The following TMC5 variants were observed in gnomAD, a reference collection of about 807,000 sequenced individuals.
TMC5 encodes transmembrane channel like 5, also known as transmembrane channel-like protein 5.
TMC5 carries 86 observed loss-of-function variants against 110.5 expected under a neutral mutation model. The observed-to-expected ratio is 0.78, with a 90% CI of 0.65 to 0.93. The LOEUF (loss-of-function observed/expected upper bound fraction) is 0.93. Ranked by LOEUF, TMC5 falls within the 40% of genes least tolerant of loss-of-function variation. The pLI is 0.00. For synonymous variants in TMC5, 455 were observed against 439.5 expected (o/e 1.04, Z -0.44); for missense variants, 1,144 against 1,222.8 (o/e 0.94, Z 0.96).
intron 17 of TMC5, among the ~76,000 whole-genome samples, chr16:19,488,133 T>G (rs1336680609): frequency 6.6e-6 from 1 of 151,988 alleles, no homozygotes; most frequent in African/African-American, 2.4e-5. Context: ...GATTGGTTGG[T>G]TTGCATTTGA....
chr16:19,438,181 C>G (rs1200685239), intron 2 of TMC5, among the ~76,000 whole-genome samples: 1 of 151,264 alleles, frequency 6.6e-6, no homozygotes, highest in Non-Finnish European at 1.5e-5. Context: ...CACTTGAGCT[C>G]AGGAGTTCAA....
chr16:19,456,360 G>T, intron 5 of TMC5: 1 of 709,444 alleles, frequency 1.4e-6, no homozygotes, highest in Non-Finnish European at 1.8e-6. Flanking sequence ...TTGACTATGA[G>T]TCATTTAGAA....
At chr16:19,422,162 T>C (rs2301210) in intron 1 of TMC5, among the ~76,000 whole-genome samples, 115,883 of 151,274 alleles carry the variant, frequency 0.77, 44,915 homozygotes, top group South Asian at 0.9. Flanking sequence ...ACCTGGGAGG[T>C]GGAGGTTGCA....
At chr16:19,445,880 T>G (rs1967602550) in intron 4 of TMC5, among the ~76,000 whole-genome samples, 1 of 151,816 alleles carries the variant, frequency 6.6e-6, no homozygotes, top group South Asian at 2.1e-4. Flanking sequence ...CTGGGCGTGG[T>G]GGCACACACC....
Position 19,440,119 on chromosome 16 carries a change from G to C in TMC5, c.81G>C (p.Gln27His). The C allele has an allele frequency of 6.2e-7, 1 of 1,614,098 alleles. No individual in the cohort carries two copies. ...PDYSGSQNRTQGYLKTQGYPD... is the reference protein window; with the variant it reads ...PDYSGSQNRTHGYLKTQGYPD... The stretch of plus-strand genomic sequence containing the variant: ...ATTCAGGGTCTCAGAACCGTACGCA[G>C]GGGTATTTGAAAACTCAAGGTTATC... Residue 27 changes from glutamine to histidine, a missense_variant, in exon 3 of 22, where the codon CAG (glutamine) becomes CAC (histidine). Coordinates refer to ENST00000542583, the MANE Select transcript of TMC5 (RefSeq NM_001261841.2).
rs1968923079 is a variant in TMC5, at chr16:19,492,141, C to T, written c.2748-9C>T. 1 of 1,605,962 alleles carries T rather than the reference C, an allele frequency of 6.2e-7. No homozygotes were observed. Among genetic ancestry groups the T allele is most frequent in the Non-Finnish European group, 8.5e-7 (1 of 1,173,594 alleles). The stretch of plus-strand genomic sequence containing the variant: ...CAAGAGTGTCATTCTTTCTTTTCTC[C>T]TCTTCCAGAATCATCACCTATCTTT... On this transcript the variant is annotated splice_polypyrimidine_tract_variant and intron_variant, in intron 18 of 21. Coordinates refer to ENST00000542583, the MANE Select transcript of TMC5 (RefSeq NM_001261841.2).
intron 6 of TMC5, 21 bp downstream of exon 6, chr16:19,460,355 T>G: frequency 6.5e-7 from 1 of 1,540,700 alleles, no homozygotes; most frequent in East Asian, 2.2e-5. Context: ...AAGGCTTTTC[T>G]TCTTTCTCAG....
intron 8 of TMC5, among the ~76,000 whole-genome samples, chr16:19,465,001 GTCTT>G (rs71375641): frequency 0.017 from 1,235 of 73,572 alleles, 49 homozygotes; most frequent in African/African-American, 0.035. Context: ...CTTTCCTTTT[GTCTT>G]TCTTTCTTTC....
At chr16:19,486,620 A>ACC (rs35638661) in intron 15 of TMC5, among the ~76,000 whole-genome samples, 4 of 151,366 alleles carry the variant, frequency 2.6e-5, no homozygotes, top group East Asian at 1.9e-4. Flanking sequence ...CAGGTGATTC[A>ACC]CCCCCTCTTG....
chr16:19,446,448 AG>A (rs1445964532), intron 4 of TMC5, among the ~76,000 whole-genome samples: 1 of 152,388 alleles, frequency 6.6e-6, no homozygotes, highest in Admixed American at 6.5e-5. Flanking sequence ...GTGCTACTCC[AG>A]TGCAAGTGGA....
chr16:19,480,753 C>T (rs1026782747), intron 14 of TMC5, among the ~76,000 whole-genome samples: 8 of 144,894 alleles, frequency 5.5e-5, no homozygotes, highest in Admixed American at 3.6e-4. Flanking sequence ...TGCAGTGAGC[C>T]GAGAGGGCGA....
At chr16:19,444,290 A>G (rs1413750378) in intron 4 of TMC5, 40 bp downstream of exon 4, 3 of 1,590,512 alleles carry the variant, frequency 1.9e-6, no homozygotes, top group Admixed American at 3.4e-5. Flanking sequence ...CTGGGAAAAA[A>G]CTGAAATCAC....
intron 5 of TMC5, among the ~76,000 whole-genome samples, chr16:19,454,387 G>A (rs908182882): frequency 2.6e-5 from 4 of 152,248 alleles, no homozygotes; most frequent in Non-Finnish European, 1.5e-5. Context: ...TACAGGAAGG[G>A]GCCAGAGTGA....
At chr16:19,428,232 T>G (rs1967126143) in intron 1 of TMC5, among the ~76,000 whole-genome samples, 1 of 152,184 alleles carries the variant, frequency 6.6e-6, no homozygotes, top group African/African-American at 2.4e-5. Flanking sequence ...CAAATTTTAC[T>G]TGTGAAGATT....
intron 14 of TMC5, among the ~76,000 whole-genome samples, chr16:19,480,879 T>TA (rs1338550729): frequency 6.6e-6 from 1 of 151,992 alleles, no homozygotes; most frequent in Non-Finnish European, 1.5e-5. Context: ...AACTCATCTT[T>TA]ATGAATAAAT....
At chr16:19,445,279 A>T (rs1349382568) in intron 4 of TMC5, among the ~76,000 whole-genome samples, 1 of 151,042 alleles carries the variant, frequency 6.6e-6, no homozygotes, top group Non-Finnish European at 1.5e-5. Flanking sequence ...TTTTTTTAAG[A>T]CAGTGTCCTG....
chr16:19,460,161 C>A, intron 5 of TMC5, 74 bp from the exon 6 acceptor site: 1 of 1,186,274 alleles, frequency 8.4e-7, no homozygotes, highest in Non-Finnish European at 1.2e-6. Flanking sequence ...CGTGCTCTGA[C>A]TTCAGCACCA....
intron 4 of TMC5, among the ~76,000 whole-genome samples, chr16:19,445,602 A>G (rs1425174011): frequency 6.6e-6 from 1 of 152,010 alleles, no homozygotes; most frequent in African/African-American, 2.4e-5. Flanking sequence ...TTGATGGCAC[A>G]AGAGAAAAAA....
intron 12 of TMC5, among the ~76,000 whole-genome samples, 197 bp from the exon 13 acceptor site, chr16:19,477,243 G>A (rs750096478): frequency 6.6e-6 from 1 of 151,680 alleles, no homozygotes; most frequent in Admixed American, 6.6e-5. Context: ...GCAAGACTCC[G>A]TCTCAAAAAA....
Sources: allele counts gnomAD v4.1 joint callset (sites outside exome capture counted in the v4.1 genomes callset), GRCh38; gene constraint gnomAD v4.1.1; transcripts MANE v1.5; gene names NCBI Gene and HGNC (gene_info 2026-07-23, HGNC 2026-07-21).